Variants in CARM1 observed in about 807,000 individuals in gnomAD.
CARM1 encodes the protein histone-arginine methyltransferase CARM1.
CARM1 carries 14 observed loss-of-function variants against 72.7 expected under a neutral mutation model. The ratio of observed to expected loss-of-function variants is 0.19; its 90% CI spans 0.13 to 0.30. The LOEUF (loss-of-function observed/expected upper bound fraction) is 0.30. Among genes scored for constraint, CARM1 ranks in the 10% least tolerant of loss-of-function variants. The probability of loss-of-function intolerance (pLI) is 1.00; values close to 1 mark genes in which losing one functional copy is unlikely to be tolerated. For missense variants in CARM1, 432 were observed against 833.7 expected, an observed-to-expected ratio of 0.52 and a Z score of 5.93; for synonymous variants, 333 against 345.5, an observed-to-expected ratio of 0.96 and a Z score of 0.40.
chr19:10,913,642 G>T (rs944482022), intron 5 of CARM1, among the ~76,000 whole-genome samples: 1 of 151,916 alleles, frequency 6.6e-6, no homozygotes, highest in Non-Finnish European at 1.5e-5. Flanking sequence ...CAAGCAGTCC[G>T]CCTGCCTCGG....
intron 1 of CARM1, among the ~76,000 whole-genome samples, chr19:10,904,254 G>A (rs2074087045): frequency 1.3e-5 from 2 of 152,240 alleles, no homozygotes; most frequent in Non-Finnish European, 2.9e-5. Context: ...GAATACTACA[G>A]ATGATGCACC....
rs192016363 is a variant in CARM1 at position 10,895,353 on chromosome 19, C to G, written c.221-9598C>G. On this transcript the variant is annotated intron_variant, in intron 1 of 15. Transcript: ENST00000327064. ...CTCCTGGCCTCAAGCGATCCACGTG[C>G]CTTGGCCTCCCAAAGTGCTGGGATT... Among the ~76,000 whole-genome samples, 13 of 152,356 alleles carry G rather than the reference C, an allele frequency of 8.5e-5. No individual in the cohort carries two copies. The East Asian group carries it at 1.9e-3, about 23-fold the overall frequency.
rs1555724861 is a variant in CARM1 at position 10,885,888 on chromosome 19, A to ATTTC, written c.220+13969_220+13970insCTTT. ...CACAGCAGCCACAGCTCACTCCCTC[A>ATTTC]TTTTTTTTTTTTTTTTTTTTTTTTT... On this transcript the variant is annotated intron_variant, in intron 1 of 15. Transcript: ENST00000327064. Among the ~76,000 whole-genome samples the ATTTC allele has an allele frequency of 3.7e-4, 29 of 78,746 alleles. 1 individual carries two copies. Among genetic ancestry groups the ATTTC allele is most frequent in the South Asian group, 8.8e-4 (2 of 2,260 alleles). 51.7% of individuals were successfully genotyped at this position (78,746 alleles called of 152,430 possible).
intron 1 of CARM1, among the ~76,000 whole-genome samples, chr19:10,891,735 A>G (rs569291838): frequency 9.2e-5 from 14 of 152,196 alleles, no homozygotes; most frequent in Non-Finnish European, 1.8e-4. Context: ...TCTTTCATGT[A>G]CAAGGGAGAA....
chr19:10,915,832 C>T lies in CARM1; in HGVS notation c.848-575C>T, dbSNP rs1188098801. ...AGTCACAGAGGGAGGCCCTGCCCTT[C>T]CCTCAGTCTGTGTGCCCAGACCAGG... On this transcript the variant is annotated intron_variant, in intron 6 of 15. Transcript: ENST00000327064. The surrounding 1 kb of genome is among the most constrained non-coding windows in gnomAD (Gnocchi z 4.6). Among the ~76,000 whole-genome samples, 3 of 152,162 alleles carry T rather than the reference C, an allele frequency of 2.0e-5. No individual in the cohort carries two copies. Among genetic ancestry groups the T allele is most frequent in the Admixed American group, 6.5e-5 (1 of 15,280 alleles).
intron 1 of CARM1, among the ~76,000 whole-genome samples, chr19:10,887,688 C>T (rs2073951699): frequency 6.6e-6 from 1 of 152,250 alleles, no homozygotes; most frequent in Non-Finnish European, 1.5e-5. Flanking sequence ...AGCCATCTCT[C>T]TGCCTTGGCC....
intron 1 of CARM1, among the ~76,000 whole-genome samples, chr19:10,889,203 T>C (rs1221338503): frequency 6.6e-6 from 1 of 152,178 alleles, no homozygotes; most frequent in Non-Finnish European, 1.5e-5. Flanking sequence ...ATGGAGGCCT[T>C]GGCCTACCTG....
chr19:10,879,359 A>T (rs2073885501), intron 1 of CARM1, among the ~76,000 whole-genome samples: 1 of 152,184 alleles, frequency 6.6e-6, no homozygotes, highest in African/African-American at 2.4e-5. Context: ...TGTAGTTTTC[A>T]ATCTGAGCGG....
rs1051433635 is a variant in CARM1, at chr19:10,882,898, G to A, written c.220+10976G>A. Among the ~76,000 whole-genome samples, 7 of 152,092 alleles carry A rather than the reference G, an allele frequency of 4.6e-5. No homozygotes were observed. The East Asian group carries it at 1.2e-3, about 25-fold the overall frequency. On this transcript the variant is annotated intron_variant, in intron 1 of 15. Transcript: ENST00000327064. ...AGAGAACCCCATCTCCTCTGCTGGGGAAGTGGTCTAGGGAGCACCTTGAAG... is the reference window on the plus strand; with the variant it reads ...AGAGAACCCCATCTCCTCTGCTGGGAAAGTGGTCTAGGGAGCACCTTGAAG...
rs1470991144 is a variant in CARM1 at position 10,922,299 on chromosome 19, CAG to C, written c.*545_*546del. ...AGCCAGCAGCCCCTCTCCCTAGACT[CAG>C]AGGCGCCGCGGGGAGGGGTGGCCCC... On this transcript the variant is annotated 3_prime_UTR_variant, in exon 16 of 16. Transcript: ENST00000327064. The C allele has an allele frequency of 6.5e-6, 1 of 152,744 alleles. No homozygotes were observed. Among genetic ancestry groups the C allele is most frequent in the Non-Finnish European group, 1.5e-5 (1 of 68,112 alleles). 9.5% of individuals were successfully genotyped at this position (152,744 alleles called of 1,614,324 possible).
chr19:10,884,399 C>A (rs1277906751), intron 1 of CARM1, among the ~76,000 whole-genome samples: 2 of 151,908 alleles, frequency 1.3e-5, no homozygotes, highest in Non-Finnish European at 2.9e-5. Flanking sequence ...TTGTCCAGGC[C>A]GGTCTCAAAC....
chr19:10,892,342 C>T (rs1008271101), intron 1 of CARM1, among the ~76,000 whole-genome samples: 2 of 152,220 alleles, frequency 1.3e-5, no homozygotes, highest in Non-Finnish European at 2.9e-5. Flanking sequence ...CGTTCAGGGC[C>T]ATGGCTGCAG....
rs201011195 is a variant in CARM1 at position 10,890,764 on chromosome 19, T to TACAC, written c.221-14179_221-14176dup. 5.6e-3 allele frequency among the ~76,000 whole-genome samples: 382 copies of TACAC among 67,722 alleles called. 1 individual carries two copies. Among genetic ancestry groups the TACAC allele is most frequent in the Non-Finnish European group, 6.8e-3 (249 of 36,574 alleles). 44.4% of individuals were successfully genotyped at this position (67,722 alleles called of 152,430 possible). On this transcript the variant is annotated intron_variant, in intron 1 of 15. Coordinates refer to ENST00000327064, the MANE Select transcript of CARM1 (RefSeq NM_199141.2). ...ACACATGCATATACACACACACATA[T>TACAC]ACACACACACATATATATATATATA...
At chr19:10,919,835 C>T in intron 9 of CARM1, 42 bp from the exon 10 acceptor site, 2 of 1,554,014 alleles carry the variant, frequency 1.3e-6, no homozygotes, top group South Asian at 2.2e-5. Context: ...CTCGGCAGCG[C>T]CTGTCTGGCT....
Position 10,899,641 on chromosome 19 carries a change from C to T in CARM1, c.221-5310C>T, listed in dbSNP as rs549872183. Among the ~76,000 whole-genome samples the T allele has an allele frequency of 2.6e-5, 4 of 152,046 alleles. No individual in the cohort carries two copies. The East Asian group carries it at 5.8e-4, about 22-fold the overall frequency. ...TCTGGCAGGACTGGCTGGGTGTGGC[C>T]GGGGAGCTGCCCTTCAGGTCTCATA... On this transcript the variant is annotated intron_variant, in intron 1 of 15. Coordinates refer to ENST00000327064, the MANE Select transcript of CARM1 (RefSeq NM_199141.2).
At chr19:10,872,698 A>G (rs546736932) in intron 1 of CARM1, among the ~76,000 whole-genome samples, 4 of 152,220 alleles carry the variant, frequency 2.6e-5, no homozygotes, top group East Asian at 3.9e-4. Context: ...GGGAAAAGAA[A>G]ATCACAAATG....
At chr19:10,919,533 G>C in intron 8 of CARM1, 62 bp from the exon 9 acceptor site, 1 of 1,218,944 alleles carries the variant, frequency 8.2e-7, no homozygotes, top group Non-Finnish European at 1.2e-6. Context: ...AAGGGGCAGG[G>C]CTCTCCCCTC....
intron 1 of CARM1, among the ~76,000 whole-genome samples, chr19:10,889,377 C>T (rs576043603): frequency 6.6e-6 from 1 of 151,220 alleles, no homozygotes; most frequent in South Asian, 2.1e-4. Context: ...TGCAATGGTG[C>T]AATCTCGGCT....
chr19:10,880,602 C>T, intron 1 of CARM1, among the ~76,000 whole-genome samples: 1 of 151,312 alleles, frequency 6.6e-6, no homozygotes, highest in East Asian at 1.9e-4. Context: ...GATTCTCCTA[C>T]CTTGGCCCCC....
Sources: allele counts gnomAD v4.1 joint callset (sites outside exome capture counted in the v4.1 genomes callset), GRCh38; gene constraint gnomAD v4.1.1; non-coding constraint Gnocchi (gnomAD v3.1); transcripts MANE v1.5; gene names NCBI Gene and HGNC (gene_info 2026-07-23, HGNC 2026-07-21).